SFPQ: variants seen among roughly 807,000 people sequenced by gnomAD.
The protein encoded by SFPQ is splicing factor, proline- and glutamine-rich.
A neutral mutation model predicts 72.9 loss-of-function variants in SFPQ; 11 were observed. That is an observed-to-expected ratio of 0.15 (90% CI 0.09 to 0.25). SFPQ has a LOEUF of 0.25. Ranked by LOEUF, SFPQ falls within the 10% of genes least tolerant of loss-of-function variation. The pLI is 1.00. For missense variants in SFPQ, 847 were observed against 993.3 expected (o/e 0.85, Z 1.98); for synonymous variants, 506 against 367.3 (o/e 1.38, Z -4.32).
chr1:35,193,122 C>T lies in SFPQ; in HGVS notation c.-73G>A, dbSNP rs1031317231. On this transcript the variant is annotated 5_prime_UTR_variant, in exon 1 of 10. Coordinates refer to ENST00000357214, the MANE Select transcript of SFPQ (RefSeq NM_005066.3). ...GAAACGTGGAGGCCACCTTGCTTCT[C>T]ACAAAATGGCGGATGACACAGGCGG... 45 of 1,484,852 alleles carry T rather than the reference C, an allele frequency of 3.0e-5. No individual in the cohort carries two copies. Among genetic ancestry groups the T allele is most frequent in the Non-Finnish European group, 3.8e-5 (43 of 1,125,456 alleles). 92.0% of individuals were successfully genotyped at this position (1,484,852 alleles called of 1,614,324 possible).
rs1388642021 is a variant in SFPQ, at chr1:35,189,098, G to C, written c.1613-11C>G. ...GTCGTCTCATCAGATCTGAACATTGGAAAATATTTGGATTCACATTAACAA... is the reference window on the plus strand; with the variant it reads ...GTCGTCTCATCAGATCTGAACATTGCAAAATATTTGGATTCACATTAACAA... On this transcript the variant is annotated splice_polypyrimidine_tract_variant and intron_variant, in intron 5 of 9. Coordinates refer to ENST00000357214, the MANE Select transcript of SFPQ (RefSeq NM_005066.3). 1 of 1,613,166 alleles carries C rather than the reference G, an allele frequency of 6.2e-7. No homozygotes were observed. Among genetic ancestry groups the C allele is most frequent in the Non-Finnish European group, 8.5e-7 (1 of 1,179,642 alleles).
Position 35,183,423 on chromosome 1 carries a change from T to C in SFPQ, c.*1033A>G. ...TAGTAGAGACGGGGTTTCACCATGTTGGCCAGGCTGGTCTTGAACTCCTGA... is the reference window on the plus strand; with the variant it reads ...TAGTAGAGACGGGGTTTCACCATGTCGGCCAGGCTGGTCTTGAACTCCTGA... On this transcript the variant is annotated 3_prime_UTR_variant, in exon 10 of 10. Transcript: ENST00000357214. 2.7e-6 allele frequency: 1 copy of C among 373,650 alleles called. No individual in the cohort carries two copies. Among genetic ancestry groups the C allele is most frequent in the Non-Finnish European group, 3.8e-6 (1 of 264,830 alleles). 23.1% of individuals were successfully genotyped at this position (373,650 alleles called of 1,614,324 possible).
At chr1:35,179,763 G>C, downstream of SFPQ, 1 of 1,055,056 alleles carries the variant, frequency 9.5e-7, no homozygotes, top group Non-Finnish European at 1.1e-6. Flanking sequence ...TATATACCAA[G>C]TACATTCTCT....
chr1:35,187,892 T>C, intron 7 of SFPQ, 81 bp downstream of exon 7: 2 of 838,392 alleles, frequency 2.4e-6, no homozygotes, highest in East Asian at 4.9e-5. Flanking sequence ...TAATTTGATA[T>C]TAAAATTTCC....
At chr1:35,185,606 G>A (rs1455839602) in intron 9 of SFPQ, among the ~76,000 whole-genome samples, 1 of 152,144 alleles carries the variant, frequency 6.6e-6, no homozygotes, top group Non-Finnish European at 1.5e-5. Context: ...ATTTATAATA[G>A]ACCAGTTACT....
downstream of SFPQ, chr1:35,182,188 G>C (rs908795341): frequency 1.0e-5 from 10 of 985,162 alleles, no homozygotes; most frequent in Admixed American, 1.8e-4. Context: ...CACATTCAAA[G>C]TTCACCCTCT....
At position 35,190,662 on chromosome 1, in the gene SFPQ, TAGAAATTATTAGA is replaced by T; in HGVS notation, c.1319+19_1319+31del. On this transcript the variant is annotated intron_variant, in intron 3 of 9. Coordinates refer to ENST00000357214, the MANE Select transcript of SFPQ (RefSeq NM_005066.3). The stretch of plus-strand genomic sequence containing the variant: ...TTGCCACCATTCTCATATAAGTTGA[TAGAAATTATTAGA>T]ATAAACAAGACAACTTACGTCGTCA... 6.2e-7 allele frequency: 1 copy of T among 1,609,490 alleles called. No individual in the cohort carries two copies.
downstream of SFPQ, chr1:35,180,063 C>A (rs1474105365): frequency 7.6e-6 from 8 of 1,053,138 alleles, no homozygotes; most frequent in African/African-American, 9.9e-5. Context: ...AAGTACAAGT[C>A]TGTCCCCACC....
In SFPQ at chr1:35,190,952, T is replaced by C. The variant is rs1271682810; in HGVS notation, c.1061A>G (p.Asp354Gly). The change falls in exon 3 of 10, where the codon GAT becomes GGT. Residue 354 changes from aspartate (D) to glycine (G), a missense_variant. Asp to Gly is a moderately conservative substitution (Grantham distance 94). Coordinates refer to ENST00000357214, the MANE Select transcript of SFPQ (RefSeq NM_005066.3). ...AAGCTGTCTACCTCTCATGGGTGTA[T>C]CATCCAGTTCGGCTTTGGCAATTTC... ...LAEIAKAELD[D>G]TPMRGRQLRV... is the part of the protein sequence containing the mutation. 1.2e-6 allele frequency: 2 copies of C among 1,613,984 alleles called. No homozygotes were observed. Among genetic ancestry groups the C allele is most frequent in the Non-Finnish European group, 1.7e-6 (2 of 1,180,032 alleles).
rs1406275329 is a variant in SFPQ, at chr1:35,183,128, T to C, written c.*1328A>G. On this transcript the variant is annotated 3_prime_UTR_variant, in exon 10 of 10. Transcript: ENST00000357214. ...TTAGAAGAGAACCAATAGATTTTTA[T>C]AGTCCTATAGATTTTGCCCAACAGA... The C allele has an allele frequency of 8.8e-6, 9 of 1,027,870 alleles. No homozygotes were observed. Among genetic ancestry groups the C allele is most frequent in the Admixed American group, 5.8e-5 (1 of 17,364 alleles). The allele number at this position is 1,027,870 out of a possible 1,614,324, so 63.7% of individuals were successfully genotyped here. A position where few individuals can be genotyped will look rare whatever the true frequency, so the allele number is the denominator to read the frequency against.
In SFPQ at chr1:35,191,536, A is replaced by G. The variant is rs767823215; in HGVS notation, c.829-7T>C. On this transcript the variant is annotated splice_polypyrimidine_tract_variant and splice_region_variant and intron_variant, in intron 1 of 9. Transcript: ENST00000357214. ...ACAAATTGGCTTTAAACCCCTAATG[A>G]AAAAGGAAAGAAGTTTTCAAACACC... 24 of 1,602,122 alleles carry G rather than the reference A, an allele frequency of 1.5e-5. No individual in the cohort carries two copies. The highest frequency in any genetic ancestry group is 7.8e-5 in the South Asian group (7 of 89,376).
chr1:35,179,221 G>A, downstream of SFPQ: 1 of 1,061,284 alleles, frequency 9.4e-7, no homozygotes, highest in Non-Finnish European at 1.1e-6. Context: ...TCATGTCACT[G>A]CAGCTGACAA....
Position 35,192,409 on chromosome 1 carries a change from C to A in SFPQ, c.641G>T (p.Gly214Val). 1 of 1,425,546 alleles carries A rather than the reference C, an allele frequency of 7.0e-7. No homozygotes were observed. Among genetic ancestry groups the A allele is most frequent in the South Asian group, 1.4e-5 (1 of 69,682 alleles). 88.3% of individuals were successfully genotyped at this position (1,425,546 alleles called of 1,614,324 possible). The change falls in exon 1 of 10, where the codon GGC becomes GTC. Residue 214 changes from glycine to valine, a missense_variant. Physicochemically the swap from Gly to Val is moderately radical, Grantham distance 109. Coordinates refer to ENST00000357214, the MANE Select transcript of SFPQ (RefSeq NM_005066.3). ...CGGGCCGCCACCTGGCTTCGGCCCG[C>A]CAGGCATTTTGCCGCCTTTGGGACC... The part of the protein sequence containing the change: ...PGGPKGGKMP[G>V]GPKPGGGPGL...
chr1:35,191,043 T>G (rs745705188), intron 2 of SFPQ, 48 bp from the exon 3 acceptor site: 1 of 1,501,244 alleles, frequency 6.7e-7, no homozygotes, highest in Non-Finnish European at 9.1e-7. Flanking sequence ...TTGGATGATG[T>G]CTACTCTTAA....
At position 35,183,233 on chromosome 1, in the gene SFPQ, T is replaced by C. The variant is rs912469007; in HGVS notation, c.*1223A>G. The C allele has an allele frequency of 1.2e-4, 115 of 985,566 alleles. No homozygotes were observed. Among genetic ancestry groups the C allele is most frequent in the Non-Finnish European group, 1.2e-4 (96 of 821,120 alleles). The allele number at this position is 985,566 out of a possible 1,614,324, so 61.1% of individuals were successfully genotyped here. A position where few individuals can be genotyped will look rare whatever the true frequency, so the allele number is the denominator to read the frequency against. On this transcript the variant is annotated 3_prime_UTR_variant, in exon 10 of 10. Coordinates refer to ENST00000357214, the MANE Select transcript of SFPQ (RefSeq NM_005066.3). ...CTACTTCAGTACTAAACCTTTTTTT[T>C]TTTTTGAGACAGAGTCTCGCTCTGT...
Position 35,192,944 on chromosome 1 carries a change from G to C in SFPQ, c.106C>G (p.Pro36Ala). The C allele has an allele frequency of 6.3e-7, 1 of 1,587,352 alleles. No individual in the cohort carries two copies. Among genetic ancestry groups the C allele is most frequent in the Non-Finnish European group, 8.5e-7 (1 of 1,174,884 alleles). ...GGLHDFRSPP[P>A]GMGLNQNRGP... ...CGATTCTGATTGAGGCCCATGCCGG[G>C]CGGCGGAGAACGGAAGTCGTGGAGG... The change falls in exon 1 of 10, where the codon CCC becomes GCC. Residue 36 changes from proline to alanine, a missense_variant. Pro to Ala is a conservative substitution (Grantham distance 27). This residue lies in a region of SFPQ where 498 missense variants were observed against 405.1 expected (regional missense o/e 1.23). Transcript: ENST00000357214.
chr1:35,190,495 T>C lies in SFPQ; in HGVS notation c.1415+3A>G. 6.3e-7 allele frequency: 1 copy of C among 1,591,204 alleles called. No individual in the cohort carries two copies. Among genetic ancestry groups the C allele is most frequent in the Middle Eastern group, 1.7e-4 (1 of 6,016 alleles). On this transcript the variant is annotated splice_donor_region_variant and intron_variant, in intron 4 of 9. Transcript: ENST00000357214. Reference sequence around the variant, plus strand: ...ACTGCCAAAAAAGTTTAATCAATCTTACTTTTGATACATTGGATTCTTCTG... The same window carrying C: ...ACTGCCAAAAAAGTTTAATCAATCTCACTTTTGATACATTGGATTCTTCTG...
chr1:35,188,112 A>G (rs367847597), intron 6 of SFPQ, 22 bp from the exon 7 acceptor site: 15 of 1,509,488 alleles, frequency 9.9e-6, no homozygotes, highest in South Asian at 5.6e-5. Context: ...CATCAGGTAC[A>G]TAACTGAAGT....
In SFPQ at chr1:35,192,381, G is replaced by A. The variant is rs780815365; in HGVS notation, c.669C>T (p.Gly223=). Residue 223 remains glycine (G), a synonymous_variant, in exon 1 of 10, where the codon GGC becomes GGT. Transcript: ENST00000357214. ...PGGPKPGGGP[G]LSTPGGHPKP... ...TGGGGTGGCCGCCAGGCGTACTTAG[G>A]CCCGGGCCGCCACCTGGCTTCGGCC... The A allele has an allele frequency of 7.1e-7, 1 of 1,407,056 alleles. No individual in the cohort carries two copies. The highest frequency in any genetic ancestry group is 1.5e-5 in the South Asian group (1 of 65,692). 87.2% of individuals were successfully genotyped at this position (1,407,056 alleles called of 1,614,324 possible).
Sources: gnomAD v4.1 joint callset for allele counts (sites outside exome capture counted in the v4.1 genomes callset) on GRCh38, gnomAD v4.1.1 for gene constraint, gnomAD v4.1.1 regional missense constraint, MANE v1.5 for transcripts, NCBI Gene and HGNC (gene_info 2026-07-23, HGNC 2026-07-21) for gene names.